The following ZNF462 variants were observed in gnomAD, a reference collection of about 807,000 sequenced individuals.
The protein encoded by ZNF462 is zinc finger PBX1-interacting protein.
Under a neutral mutation model 201.9 loss-of-function variants are expected in ZNF462, and 10 were observed. The observed-to-expected ratio is 0.05, with a 90% CI of 0.03 to 0.08. ZNF462 has a LOEUF of 0.08. Among genes scored for constraint, ZNF462 ranks in the 10% least tolerant of loss-of-function variants. ZNF462 has a pLI of 1.00. For missense variants in ZNF462, 2,523 were observed against 3,168.3 expected (o/e 0.80, Z 4.89); for synonymous variants, 1,227 against 1,193.3 (o/e 1.03, Z -0.58).
intron 1 of ZNF462, among the ~76,000 whole-genome samples, chr9:106,866,512 A>C (rs919911797): frequency 6.6e-6 from 1 of 152,208 alleles, no homozygotes. Context: ...AAGTAAAACC[A>C]TGTTTGTGCA....
chr9:106,917,055 C>A lies in ZNF462; in HGVS notation c.-30-6299C>A, dbSNP rs972029143. 2.6e-5 allele frequency among the ~76,000 whole-genome samples: 4 copies of A among 152,176 alleles called. No homozygotes were observed. The highest frequency in any genetic ancestry group is 5.9e-5 in the Non-Finnish European group (4 of 68,040). On this transcript the variant is annotated intron_variant, in intron 1 of 12. Coordinates refer to ENST00000277225, the MANE Select transcript of ZNF462 (RefSeq NM_021224.6). This position sits in a 1 kb window ranked among gnomAD's most constrained non-coding sequence, Gnocchi z 4.5. ...GCAGACTGCCTATTGGCCTGTTGGCCTCAATTAGCCTTATATCATTGCAAA... is the reference window on the plus strand; with the variant it reads ...GCAGACTGCCTATTGGCCTGTTGGCATCAATTAGCCTTATATCATTGCAAA...
At position 107,009,328 on chromosome 9, in the gene ZNF462, T is replaced by G; in HGVS notation, c.7190-217T>G. 1 of 538,956 alleles carries G rather than the reference T, an allele frequency of 1.9e-6. No homozygotes were observed. 33.4% of individuals were successfully genotyped at this position (538,956 alleles called of 1,614,324 possible). A position where few individuals can be genotyped will look rare whatever the true frequency, so the allele number is the denominator to read the frequency against. On this transcript the variant is annotated intron_variant, in intron 11 of 12. Coordinates refer to ENST00000277225, the MANE Select transcript of ZNF462 (RefSeq NM_021224.6). This position sits in a 1 kb window ranked among gnomAD's most constrained non-coding sequence, Gnocchi z 6.1. Reference sequence around the variant, plus strand: ...GAAGCATTGGGGAGGTGAGGCGAAATGAGGTCTTGGGGCCCAAGAACCAGA... The same window carrying G: ...GAAGCATTGGGGAGGTGAGGCGAAAGGAGGTCTTGGGGCCCAAGAACCAGA...
At chr9:106,878,677 G>T (rs940426130) in intron 1 of ZNF462, among the ~76,000 whole-genome samples, 2 of 152,172 alleles carry the variant, frequency 1.3e-5, no homozygotes, top group African/African-American at 4.8e-5. Context: ...CATTCAAATA[G>T]CCTGGAGCCA....
intron 10 of ZNF462, among the ~76,000 whole-genome samples, chr9:106,987,630 A>G (rs1483998007): frequency 2.0e-5 from 3 of 152,184 alleles, no homozygotes; most frequent in African/African-American, 7.2e-5. Context: ...TACTCTGCTA[A>G]CTATTCTTTC....
At chr9:106,864,039 G>GCGCTCTCTCTCTCTCT in intron 1 of ZNF462, among the ~76,000 whole-genome samples, 1 of 22,756 alleles carries the variant, frequency 4.4e-5, no homozygotes, top group South Asian at 1.7e-3. Context: ...CAGGTATTTG[G>GCGCTCTCTCTCTCTCT]CTCTCTCTCT....
chr9:106,981,367 G>T lies in ZNF462; in HGVS notation c.6833-2819G>T, dbSNP rs865983976. ...ACAGACTGGAGAGTTCTTATCAGGG[G>T]TCCAAGAGGAGGGCCCTGGCAGAGA... On this transcript the variant is annotated intron_variant, in intron 9 of 12. Transcript: ENST00000277225. This position sits in a 1 kb window ranked among gnomAD's most constrained non-coding sequence, Gnocchi z 4.0. 6.6e-6 allele frequency among the ~76,000 whole-genome samples: 1 copy of T among 152,274 alleles called. No homozygotes were observed. The highest frequency in any genetic ancestry group is 2.1e-4 in the South Asian group (1 of 4,818).
chr9:106,942,166 T>G (rs2131652951), intron 7 of ZNF462, among the ~76,000 whole-genome samples: 1 of 152,284 alleles, frequency 6.6e-6, no homozygotes, highest in South Asian at 2.1e-4. Context: ...GGGATGTGAA[T>G]AAAACAAGTT....
In ZNF462 at chr9:106,900,203, C is replaced by CGTGTGT. The variant is rs3056258; in HGVS notation, c.-30-23106_-30-23101dup. 3.9e-3 allele frequency among the ~76,000 whole-genome samples: 532 copies of CGTGTGT among 134,736 alleles called. 4 individuals are homozygous for CGTGTGT. Among genetic ancestry groups the CGTGTGT allele is most frequent in the South Asian group, 9.8e-3 (37 of 3,774 alleles). The allele number at this position is 134,736 out of a possible 152,430, so 88.4% of individuals were successfully genotyped here. On this transcript the variant is annotated intron_variant, in intron 1 of 12. Transcript: ENST00000277225. ...TTTTTATGGCTGCATAGTATTCCAT[C>CGTGTGT]GTGTGTGTGTGTGTGTGTGTGTGTG...
intron 1 of ZNF462, among the ~76,000 whole-genome samples, chr9:106,894,396 G>T (rs533108343): frequency 6.6e-6 from 1 of 152,336 alleles, no homozygotes; most frequent in African/African-American, 2.4e-5. Context: ...AAAGATATTA[G>T]TTCAGTCTTC....
At position 106,927,877 on chromosome 9, in the gene ZNF462, C is replaced by T. The variant is rs1296392160; in HGVS notation, c.3965C>T (p.Thr1322Met). ...YHCEWCIYSH[T>M]EPNGLLLHYQ... is the part of the protein sequence containing the mutation. ...TGCGAGTGGTGCATCTACTCCCATA[C>T]GGAGCCCAACGGTTTGCTCCTGCAT... Residue 1322 changes from threonine to methionine, a missense_variant, in exon 3 of 13, where the codon ACG (threonine) becomes ATG (methionine). Thr to Met is a moderately conservative substitution (Grantham distance 81). Coordinates refer to ENST00000277225, the MANE Select transcript of ZNF462 (RefSeq NM_021224.6). 3.7e-6 allele frequency: 6 copies of T among 1,614,168 alleles called. No homozygotes were observed. Among genetic ancestry groups the T allele is most frequent in the Middle Eastern group, 1.6e-4 (1 of 6,062 alleles).
intron 7 of ZNF462, among the ~76,000 whole-genome samples, chr9:106,959,041 A>G (rs2131870763): frequency 6.6e-6 from 1 of 152,278 alleles, no homozygotes; most frequent in Non-Finnish European, 1.5e-5. Flanking sequence ...GACTTTTTGA[A>G]GCAAGTTGAT....
In ZNF462 at chr9:106,895,111, C is replaced by T. The variant is rs1427816518; in HGVS notation, c.-30-28243C>T. ...TACCCTTTGTTTAAACTATTCCAAC[C>T]TAAGGTCTGTTGCTTCTTGGATAAT... On this transcript the variant is annotated intron_variant, in intron 1 of 12. Coordinates refer to ENST00000277225, the MANE Select transcript of ZNF462 (RefSeq NM_021224.6). This position sits in a 1 kb window ranked among gnomAD's most constrained non-coding sequence, Gnocchi z 4.4. Among the ~76,000 whole-genome samples, 1 of 152,154 alleles carries T rather than the reference C, an allele frequency of 6.6e-6. No individual in the cohort carries two copies. The highest frequency in any genetic ancestry group is 1.9e-4 in the East Asian group (1 of 5,186).
chr9:106,873,622 C>T lies in ZNF462; in HGVS notation c.-31+10267C>T, dbSNP rs192366637. ...CTTAAAAGTGTGGGTGCCGATACCCCCTCCACCCCTTTTTGTGATCACCAT... is the reference window on the plus strand; with the variant it reads ...CTTAAAAGTGTGGGTGCCGATACCCTCTCCACCCCTTTTTGTGATCACCAT... On this transcript the variant is annotated intron_variant, in intron 1 of 12. Coordinates refer to ENST00000277225, the MANE Select transcript of ZNF462 (RefSeq NM_021224.6). Among the ~76,000 whole-genome samples the T allele has an allele frequency of 2.7e-4, 41 of 152,198 alleles. 1 individual carries two copies. In the East Asian group the frequency reaches 7.3e-3, roughly 27 times the overall value.
At chr9:106,914,217 AC>A (rs1238083039) in intron 1 of ZNF462, among the ~76,000 whole-genome samples, 1 of 139,072 alleles carries the variant, frequency 7.2e-6, no homozygotes, top group Non-Finnish European at 1.7e-5. Context: ...CCCAGCCAGG[AC>A]CCCATAAAGG....
chr9:106,900,202 TCGTGTGTG>T (rs1828998391), intron 1 of ZNF462, among the ~76,000 whole-genome samples: 1 of 126,404 alleles, frequency 7.9e-6, no homozygotes, highest in Non-Finnish European at 1.6e-5. Context: ...TAGTATTCCA[TCGTGTGTG>T]TGTGTGTGTG....
intron 1 of ZNF462, among the ~76,000 whole-genome samples, chr9:106,911,919 G>A (rs1829564716): frequency 6.6e-6 from 1 of 152,280 alleles, no homozygotes; most frequent in African/African-American, 2.4e-5. Context: ...TTAGTAAAGA[G>A]AGAAAAATAT....
chr9:106,921,048 G>C (rs900250969), intron 1 of ZNF462, among the ~76,000 whole-genome samples: 1 of 152,186 alleles, frequency 6.6e-6, no homozygotes, highest in Admixed American at 6.5e-5. Flanking sequence ...AGGGTCTGCT[G>C]ATGCAGACAG....
At chr9:106,949,561 A>G (rs1430392030) in intron 7 of ZNF462, among the ~76,000 whole-genome samples, 2 of 152,182 alleles carry the variant, frequency 1.3e-5, no homozygotes, top group Non-Finnish European at 2.9e-5. Context: ...ACTTTCTGCA[A>G]ATGAAGCAAC....
intron 1 of ZNF462, among the ~76,000 whole-genome samples, chr9:106,868,105 C>T (rs972618402): frequency 5.4e-5 from 8 of 149,138 alleles, no homozygotes; most frequent in African/African-American, 2.0e-4. Context: ...TGTGTAAAAG[C>T]AAGTATCTTG....
Sources: gnomAD v4.1 joint callset for allele counts (sites outside exome capture counted in the v4.1 genomes callset) on GRCh38, gnomAD v4.1.1 for gene constraint, Gnocchi (gnomAD v3.1) non-coding constraint, MANE v1.5 for transcripts, NCBI Gene and HGNC (gene_info 2026-07-23, HGNC 2026-07-21) for gene names.